Variants in SBF2 observed in about 807,000 individuals in gnomAD.
SBF2 encodes the protein SET binding factor 2.
A neutral mutation model predicts 225.2 loss-of-function variants in SBF2; 112 were observed. That is an observed-to-expected ratio of 0.50 (90% CI 0.43 to 0.58). SBF2 has a LOEUF of 0.58. Ranked by LOEUF, SBF2 falls within the 20% of genes least tolerant of loss-of-function variation. The probability of loss-of-function intolerance (pLI) is 0.00; values close to 1 mark genes in which losing one functional copy is unlikely to be tolerated. For synonymous variants in SBF2, 763 were observed against 773.3 expected (o/e 0.99, Z 0.22); for missense variants, 1,996 against 2,206.2 (o/e 0.90, Z 1.91).
At chr11:10,263,046 T>C (rs1274605785) in intron 1 of SBF2, among the ~76,000 whole-genome samples, 4 of 152,102 alleles carry the variant, frequency 2.6e-5, no homozygotes, top group Admixed American at 6.5e-5. Context: ...AAAGAAATTG[T>C]ACTACTTCCC....
chr11:9,845,413 C>T (rs545761455), intron 24 of SBF2, 152 bp downstream of exon 24: 77 of 753,526 alleles, frequency 1.0e-4, no homozygotes, highest in Non-Finnish European at 1.5e-4. Context: ...GCTGCTGTTC[C>T]GTAACTTTAT....
intron 28 of SBF2, among the ~76,000 whole-genome samples, chr11:9,822,373 G>A (rs757990516): frequency 6.7e-6 from 1 of 149,582 alleles, no homozygotes; most frequent in Non-Finnish European, 1.5e-5. Context: ...CCATTCTCCT[G>A]CCTCAGCCTC....
intron 2 of SBF2, among the ~76,000 whole-genome samples, chr11:10,151,967 T>C (rs1029620679): frequency 6.6e-6 from 1 of 152,228 alleles, no homozygotes; most frequent in Non-Finnish European, 1.5e-5. Context: ...TATTTTTAGT[T>C]CTTTTTGTGA....
intron 2 of SBF2, among the ~76,000 whole-genome samples, chr11:10,176,775 G>A (rs1451117673): frequency 6.6e-6 from 1 of 152,118 alleles, no homozygotes; most frequent in African/African-American, 2.4e-5. Flanking sequence ...AGAAGGAACT[G>A]GTACCAATCC....
chr11:10,239,419 A>G (rs7110151), intron 1 of SBF2, among the ~76,000 whole-genome samples: 54,293 of 150,258 alleles, frequency 0.36, 12,358 homozygotes, highest in Non-Finnish European at 0.44. Context: ...AAACTGGAAA[A>G]TATGTTAAAC....
chr11:9,904,210 C>CAT (rs774733021), intron 16 of SBF2, among the ~76,000 whole-genome samples: 43 of 151,536 alleles, frequency 2.8e-4, no homozygotes, highest in East Asian at 2.3e-3. Flanking sequence ...TTATAAACAA[C>CAT]ATATATATAT....
intron 26 of SBF2, among the ~76,000 whole-genome samples, chr11:9,837,405 T>A (rs1253416365): frequency 6.6e-6 from 1 of 152,240 alleles, no homozygotes; most frequent in Non-Finnish European, 1.5e-5. Flanking sequence ...ATAAAACTCA[T>A]AAGTGTACTT....
chr11:10,275,601 T>A (rs1962891658), intron 1 of SBF2, among the ~76,000 whole-genome samples: 1 of 151,374 alleles, frequency 6.6e-6, no homozygotes, highest in Admixed American at 6.6e-5. Context: ...TATTCTACGG[T>A]TTAACATTCT....
chr11:10,125,337 C>T (rs11042638), intron 2 of SBF2, among the ~76,000 whole-genome samples: 3 of 151,588 alleles, frequency 2.0e-5, no homozygotes, highest in Non-Finnish European at 4.4e-5. Flanking sequence ...CCCTTTTTTG[C>T]TATCTTCATT....
intron 6 of SBF2, chr11:10,016,381 A>G (rs1481978657): frequency 6.6e-6 from 1 of 152,198 alleles, no homozygotes; most frequent in Non-Finnish European, 1.5e-5. Flanking sequence ...ATTATCCAGA[A>G]AATTAATAGT....
chr11:10,189,952 G>C (rs1957097578), intron 2 of SBF2, among the ~76,000 whole-genome samples: 1 of 152,144 alleles, frequency 6.6e-6, no homozygotes, highest in Admixed American at 6.5e-5. Flanking sequence ...AGGAGTTCGA[G>C]ACCAGCCTGA....
At chr11:10,104,730 A>G (rs1952476280) in intron 2 of SBF2, among the ~76,000 whole-genome samples, 1 of 152,166 alleles carries the variant, frequency 6.6e-6, no homozygotes, top group South Asian at 2.1e-4. Flanking sequence ...ACAGATTCTT[A>G]TTGCTTCCTA....
At chr11:9,955,941 C>T (rs1378529699) in intron 16 of SBF2, among the ~76,000 whole-genome samples, 1 of 152,030 alleles carries the variant, frequency 6.6e-6, no homozygotes, top group Non-Finnish European at 1.5e-5. Flanking sequence ...ATAACATGCA[C>T]TTGAATTTTG....
intron 32 of SBF2, among the ~76,000 whole-genome samples, chr11:9,803,608 GT>G: frequency 6.6e-6 from 1 of 152,308 alleles, no homozygotes; most frequent in East Asian, 1.9e-4. Context: ...CTTACTGATT[GT>G]GAGTGGATTA....
chr11:9,815,637 G>A (rs1189106389), intron 29 of SBF2, among the ~76,000 whole-genome samples: 1 of 152,124 alleles, frequency 6.6e-6, no homozygotes, highest in African/African-American at 2.4e-5. Context: ...GGAGTATTAA[G>A]GAGCTAAACC....
intron 2 of SBF2, among the ~76,000 whole-genome samples, chr11:10,100,227 T>G (rs765426681): frequency 6.6e-6 from 1 of 152,234 alleles, no homozygotes; most frequent in African/African-American, 2.4e-5. Flanking sequence ...CAAAACTGGC[T>G]CTGTGTTAAT....
intron 2 of SBF2, among the ~76,000 whole-genome samples, chr11:10,062,427 T>G (rs1950484290): frequency 6.6e-6 from 1 of 152,226 alleles, no homozygotes; most frequent in Admixed American, 6.5e-5. Flanking sequence ...AGAAAATTTA[T>G]GCAAACTATG....
intron 2 of SBF2, among the ~76,000 whole-genome samples, chr11:10,183,056 C>CCA (rs1209459184): frequency 6.6e-6 from 1 of 152,162 alleles, no homozygotes; most frequent in Non-Finnish European, 1.5e-5. Flanking sequence ...CAGGCGTGAG[C>CCA]CACTGTGCCT....
intron 13 of SBF2, among the ~76,000 whole-genome samples, chr11:9,982,811 C>T (rs889348531): frequency 6.6e-5 from 10 of 152,196 alleles, no homozygotes; most frequent in South Asian, 4.1e-4. Flanking sequence ...GAACACACAC[C>T]GGAGAAGCTG....
Sources: gnomAD v4.1 joint callset for allele counts (sites outside exome capture counted in the v4.1 genomes callset) on GRCh38, gnomAD v4.1.1 for gene constraint, MANE v1.5 for transcripts, NCBI Gene and HGNC (gene_info 2026-07-23, HGNC 2026-07-21) for gene names.